KANK1: variants seen among roughly 807,000 people sequenced by gnomAD.
KANK1 encodes the protein KN motif and ankyrin repeat domain-containing protein 1.
KANK1 carries 109 observed loss-of-function variants against 106.2 expected under a neutral mutation model. The observed-to-expected ratio is 1.03, with a 90% CI of 0.88 to 1.20. KANK1 has a LOEUF of 1.20. Among genes scored for constraint, KANK1 ranks in the 50% most tolerant of loss-of-function variants. The pLI is 0.00. For synonymous variants in KANK1, 873 were observed against 652.2 expected (o/e 1.34, Z -5.16); for missense variants, 2,399 against 1,710.7 (o/e 1.40, Z -7.10).
intron 2 of KANK1, among the ~76,000 whole-genome samples, chr9:705,149 A>G (rs1315045825): frequency 1.3e-5 from 2 of 152,146 alleles, no homozygotes; most frequent in African/African-American, 4.8e-5. Context: ...TTAACGAACA[A>G]CTTCTGTCTT....
rs1016097205 is a variant in KANK1, at chr9:625,018, T to A, written c.-83-51872T>A. 9.9e-5 allele frequency among the ~76,000 whole-genome samples: 12 copies of A among 121,680 alleles called. No homozygotes were observed. The Admixed American group carries it at 1.0e-3, about 10-fold the overall frequency. 79.8% of individuals were successfully genotyped at this position (121,680 alleles called of 152,430 possible). The stretch of plus-strand genomic sequence containing the variant: ...TCTAAATTATGAAATGGCAGTGGAA[T>A]GAAATGGAAGATGAAATTGTGCCTT... On this transcript the variant is annotated intron_variant, in intron 1 of 11. Transcript: ENST00000382297.
At chr9:608,678 T>G (rs949124220) in intron 1 of KANK1, among the ~76,000 whole-genome samples, 1 of 152,134 alleles carries the variant, frequency 6.6e-6, no homozygotes, top group South Asian at 2.1e-4. Context: ...GTCAGGGAGA[T>G]AAACAGAATT....
At chr9:490,726 G>T (rs1396577411) in intron 3 of KANK1, among the ~76,000 whole-genome samples, 1 of 152,122 alleles carries the variant, frequency 6.6e-6, no homozygotes, top group African/African-American at 2.4e-5. Flanking sequence ...TTACTTCATT[G>T]CTCATTCAAC....
chr9:740,645 C>A, intron 8 of KANK1, 147 bp from the exon 9 acceptor site: 1 of 871,384 alleles, frequency 1.1e-6, no homozygotes, highest in Non-Finnish European at 1.7e-6. Flanking sequence ...ACATCTCTCA[C>A]ATTTCCTTCT....
chr9:712,347 C>T lies in KANK1; in HGVS notation c.1581C>T (p.Val527=), dbSNP rs747425135. Residue 527 remains valine, a synonymous_variant, in exon 3 of 12, where the codon GTC becomes GTT. Coordinates refer to ENST00000382297, the MANE Select transcript of KANK1 (RefSeq NM_015158.5). ...TGGTGCAGACCAGAGACCAAATGGT[C>T]GGCAGTCACATGGACCTGGTGGACA... ...EAVVQTRDQM[V]GSHMDLVDTC... is the part of the protein sequence containing the mutation. 2.6e-5 allele frequency: 42 copies of T among 1,614,032 alleles called. No individual in the cohort carries two copies. The highest frequency in any genetic ancestry group is 2.3e-4 in the African/African-American group (17 of 74,912).
intron 1 of KANK1, among the ~76,000 whole-genome samples, chr9:545,746 TTTTTTA>T (rs1177480700): frequency 9.2e-6 from 1 of 108,466 alleles, no homozygotes; most frequent in Admixed American, 1.2e-4. Flanking sequence ...TTTTTTTTTT[TTTTTTA>T]AATTCCCTGA....
intron 1 of KANK1, among the ~76,000 whole-genome samples, chr9:544,307 GC>G (rs2133916918): frequency 6.6e-6 from 1 of 152,278 alleles, no homozygotes; most frequent in South Asian, 2.1e-4. Flanking sequence ...ACAGGCAAGA[GC>G]CACTGCACCT....
Position 479,924 on chromosome 9 carries a change from G to C in KANK1, c.-362+6651G>C, listed in dbSNP as rs546272240. On this transcript the variant is annotated intron_variant, in intron 3 of 15. Transcript: ENST00000382303. ...CGAACAGTGATTTATTATATGCCCA[G>C]TTCTCCAGATGGCCTTTCATATGGA... 1.4e-4 allele frequency among the ~76,000 whole-genome samples: 21 copies of C among 152,278 alleles called. No homozygotes were observed. The South Asian group carries it at 4.1e-3, about 30-fold the overall frequency.
At chr9:699,071 A>G (rs1330249012) in intron 2 of KANK1, among the ~76,000 whole-genome samples, 2 of 152,162 alleles carry the variant, frequency 1.3e-5, no homozygotes, top group Admixed American at 1.3e-4. Context: ...TCCTCTGCCT[A>G]GAATTTCTGC....
intron 1 of KANK1, among the ~76,000 whole-genome samples, chr9:658,919 G>A (rs1440107644): frequency 1.6e-4 from 24 of 152,204 alleles, no homozygotes; most frequent in South Asian, 2.1e-4. Context: ...TCCGTGGAAA[G>A]ACCCTTAAGG....
chr9:499,891 A>C (rs1411047332), upstream of KANK1, among the ~76,000 whole-genome samples: 1 of 152,216 alleles, frequency 6.6e-6, no homozygotes. Context: ...TACTTTATGA[A>C]AATGTGACAA....
chr9:598,731 A>G (rs1206862963), intron 1 of KANK1, among the ~76,000 whole-genome samples: 1 of 138,588 alleles, frequency 7.2e-6, no homozygotes, highest in Non-Finnish European at 1.5e-5. Context: ...CCTGGGTTCA[A>G]GCGATTCTCA....
At chr9:512,686 A>G (rs2059087681) in intron 1 of KANK1, among the ~76,000 whole-genome samples, 2 of 152,126 alleles carry the variant, frequency 1.3e-5, no homozygotes, top group African/African-American at 2.4e-5. Context: ...AAACTTGCTC[A>G]GGCTCAAGCA....
At chr9:552,737 A>G (rs1039040030) in intron 1 of KANK1, among the ~76,000 whole-genome samples, 3 of 152,212 alleles carry the variant, frequency 2.0e-5, no homozygotes, top group African/African-American at 7.2e-5. Flanking sequence ...ATCTTTAAAG[A>G]AAATATTTTG....
At chr9:672,545 C>CCATCAATATTAT (rs56672067) in intron 1 of KANK1, among the ~76,000 whole-genome samples, 27,506 of 151,888 alleles carry the variant, frequency 0.18, 2,928 homozygotes, top group East Asian at 0.32. Context: ...ATCAACATTA[C>CCATCAATATTAT]CATCAATATT....
chr9:693,130 G>C (rs934621385), intron 2 of KANK1, among the ~76,000 whole-genome samples: 1 of 152,126 alleles, frequency 6.6e-6, no homozygotes, highest in African/African-American at 2.4e-5. Context: ...TTAAGAGTAT[G>C]AGGGTACAGA....
At chr9:643,001 A>G (rs1342010794) in intron 1 of KANK1, among the ~76,000 whole-genome samples, 1 of 150,734 alleles carries the variant, frequency 6.6e-6, no homozygotes, top group Non-Finnish European at 1.5e-5. Flanking sequence ...CATATTAAAT[A>G]TGGTGGCACC....
intron 1 of KANK1, among the ~76,000 whole-genome samples, chr9:663,953 A>G (rs901216476): frequency 6.6e-6 from 1 of 152,072 alleles, no homozygotes; most frequent in Non-Finnish European, 1.5e-5. Flanking sequence ...GAACTCTTCA[A>G]ATAAGGTCGT....
intron 8 of KANK1, among the ~76,000 whole-genome samples, chr9:739,792 G>A (rs1027514597): frequency 3.3e-5 from 5 of 151,924 alleles, no homozygotes; most frequent in African/African-American, 1.2e-4. Flanking sequence ...CCCCTTCTAG[G>A]CTGAGATTCT....
Sources: allele counts gnomAD v4.1 joint callset (sites outside exome capture counted in the v4.1 genomes callset), GRCh38; gene constraint gnomAD v4.1.1; transcripts MANE v1.5; gene names NCBI Gene and HGNC (gene_info 2026-07-23, HGNC 2026-07-21).